EXOSC9: variants seen among roughly 807,000 people sequenced by gnomAD.
The protein encoded by EXOSC9 is exosome component 9.
A neutral mutation model predicts 56.5 loss-of-function variants in EXOSC9; 38 were observed. The observed-to-expected ratio is 0.67, with a 90% CI of 0.52 to 0.88. The LOEUF (loss-of-function observed/expected upper bound fraction) is 0.88, where lower values mean the gene tolerates loss of function less well. Ranked by LOEUF, EXOSC9 falls within the 40% of genes least tolerant of loss-of-function variation. The pLI, the probability that EXOSC9 is intolerant of heterozygous loss-of-function variation, is 0.00. For missense variants in EXOSC9, 559 were observed against 530.5 expected, an observed-to-expected ratio of 1.05 and a Z score of -0.53; for synonymous variants, 170 against 170.8, an observed-to-expected ratio of 0.99 and a Z score of 0.04.
At chr4:121,804,889 A>G in intron 5 of EXOSC9, 130 bp downstream of exon 5, 1 of 629,044 alleles carries the variant, frequency 1.6e-6, no homozygotes, top group Admixed American at 3.5e-5. Context: ...TTTGTTTGTA[A>G]GACTGAAACT....
Position 121,816,759 on chromosome 4 carries a change from G to A in EXOSC9, c.1236-13G>A. On this transcript the variant is annotated splice_polypyrimidine_tract_variant and intron_variant, in intron 11 of 11. Transcript: ENST00000243498. ...CATACTCTTAGTAAATTCTTACTTT[G>A]CTTTATTCACAGAACACAGACCACC... The A allele has an allele frequency of 2.1e-5, 33 of 1,568,974 alleles. No individual in the cohort carries two copies. Among genetic ancestry groups the A allele is most frequent in the Non-Finnish European group, 2.8e-5 (33 of 1,163,642 alleles).
At chr4:121,813,026 CTGGCACGTGGTT>C (rs1463727886) in intron 8 of EXOSC9, among the ~76,000 whole-genome samples, 196 bp from the exon 9 acceptor site, 1 of 152,166 alleles carries the variant, frequency 6.6e-6, no homozygotes, top group Non-Finnish European at 1.5e-5. Flanking sequence ...AGCACATGGT[CTGGCACGTGGTT>C]TAATAAATGA....
chr4:121,806,488 A>G (rs1371700298), intron 5 of EXOSC9, among the ~76,000 whole-genome samples: 1 of 152,172 alleles, frequency 6.6e-6, no homozygotes, highest in Non-Finnish European at 1.5e-5. Flanking sequence ...AAATTAGAAA[A>G]AAAAAAAAAA....
Position 121,814,061 on chromosome 4 carries a change from T to C in EXOSC9, c.1156+14T>C. 1 of 1,487,888 alleles carries C rather than the reference T, an allele frequency of 6.7e-7. No homozygotes were observed. Among genetic ancestry groups the C allele is most frequent in the Non-Finnish European group, 9.0e-7 (1 of 1,114,214 alleles). 92.2% of individuals were successfully genotyped at this position (1,487,888 alleles called of 1,614,324 possible). ...TTGGAAGCCAAGGTAGGTGACACTTTATGGCACACTTACTATATATTACAT... is the reference window on the plus strand; with the variant it reads ...TTGGAAGCCAAGGTAGGTGACACTTCATGGCACACTTACTATATATTACAT... On this transcript the variant is annotated intron_variant, in intron 10 of 11. Coordinates refer to ENST00000243498, the MANE Select transcript of EXOSC9 (RefSeq NM_005033.3).
At chr4:121,801,579 A>G (rs542697650) in intron 1 of EXOSC9, 89 bp downstream of exon 1, 18 of 1,262,316 alleles carry the variant, frequency 1.4e-5, no homozygotes, top group East Asian at 1.4e-4. Flanking sequence ...GGGCCCGGGG[A>G]GCTACTAGGG....
intron 11 of EXOSC9, 95 bp downstream of exon 11, chr4:121,816,542 T>TAAAC (rs1239858198): frequency 1.1e-6 from 1 of 895,998 alleles, no homozygotes; most frequent in Non-Finnish European, 1.7e-6. Context: ...CACATGACTA[T>TAAAC]AAACAAAAAG....
rs182903247 is a variant in EXOSC9 at position 121,810,249 on chromosome 4, A to G, written c.738+150A>G. On this transcript the variant is annotated intron_variant, in intron 7 of 11. Coordinates refer to ENST00000243498, the MANE Select transcript of EXOSC9 (RefSeq NM_005033.3). The stretch of plus-strand genomic sequence containing the variant: ...GGTTTCAGTACTGTCACTATTAAAT[A>G]CATTCTGTTGACTGGTGGCTATGAG... 822 of 706,012 alleles carry G rather than the reference A, an allele frequency of 1.2e-3. 2 individuals are homozygous for G. The highest frequency in any genetic ancestry group is 2.6e-3 in the Admixed American group (97 of 37,420). The allele number at this position is 706,012 out of a possible 1,614,324, so 43.7% of individuals were successfully genotyped here. A position where few individuals can be genotyped will look rare whatever the true frequency, so the allele number is the denominator to read the frequency against.
Position 121,811,667 on chromosome 4 carries a change from G to A in EXOSC9, c.823G>A (p.Val275Ile). 6.6e-7 allele frequency: 1 copy of A among 1,520,974 alleles called. No individual in the cohort carries two copies. Among genetic ancestry groups the A allele is most frequent in the South Asian group, 1.3e-5 (1 of 77,028 alleles). The allele number at this position is 1,520,974 out of a possible 1,614,324, so 94.2% of individuals were successfully genotyped here. A position where few individuals can be genotyped will look rare whatever the true frequency, so the allele number is the denominator to read the frequency against. ...ILKALENDQK[V>I]RKEGGKFGFA... The stretch of plus-strand genomic sequence containing the variant: ...GAAAGCTTTGGAGAATGACCAAAAA[G>A]TAAGGTAAGTAACTTTTCCAGAACT... The change falls in exon 8 of 12, where the codon GTA (valine) becomes ATA (isoleucine). Residue 275 changes from valine to isoleucine, a missense_variant. Coordinates refer to ENST00000243498, the MANE Select transcript of EXOSC9 (RefSeq NM_005033.3).
intron 5 of EXOSC9, among the ~76,000 whole-genome samples, chr4:121,806,442 C>T (rs999344823): frequency 6.6e-5 from 10 of 151,086 alleles, no homozygotes; most frequent in South Asian, 2.1e-4. Context: ...TGCCCCCAGC[C>T]GACCTTATAA....
intron 10 of EXOSC9, chr4:121,816,084 T>C (rs1261324675): frequency 8.9e-6 from 6 of 674,292 alleles, no homozygotes; most frequent in Non-Finnish European, 1.4e-5. Flanking sequence ...CAGCCTCGAG[T>C]AGCTGGGCCT....
chr4:121,811,502 A>C, intron 7 of EXOSC9, 81 bp from the exon 8 acceptor site: 3 of 739,572 alleles, frequency 4.1e-6, no homozygotes, highest in Non-Finnish European at 4.2e-6. Context: ...TAAAGGTAGA[A>C]AAATTTCATG....
chr4:121,815,145 T>A (rs1346776764), intron 10 of EXOSC9: 1 of 156,608 alleles, frequency 6.4e-6, no homozygotes, highest in Non-Finnish European at 1.4e-5. Context: ...TGGTTACTTC[T>A]ATTTGGTATT....
intron 5 of EXOSC9, among the ~76,000 whole-genome samples, chr4:121,807,158 C>T (rs991026754): frequency 1.3e-5 from 2 of 152,074 alleles, no homozygotes; most frequent in Non-Finnish European, 2.9e-5. Flanking sequence ...GGCGTGGTGG[C>T]ACATGCCTGT....
In EXOSC9 at chr4:121,801,541, A is replaced by C. The variant is rs57880593; in HGVS notation, c.66+51A>C. 2.9e-3 allele frequency: 4,474 copies of C among 1,568,876 alleles called. 133 individuals are homozygous for C. The African/African-American group carries it at 0.053, about 19-fold the overall frequency. ...CGCGCTGCGTGGGCGCTCGGGTCTC[A>C]AGGTGTGGACTGATACCTGGCCCGC... On this transcript the variant is annotated intron_variant, in intron 1 of 11. Transcript: ENST00000243498.
chr4:121,802,436 G>A (rs1393944499), intron 2 of EXOSC9, among the ~76,000 whole-genome samples: 1 of 152,174 alleles, frequency 6.6e-6, no homozygotes, highest in African/African-American at 2.4e-5. Context: ...AAAACAATCT[G>A]TGGAATAGTA....
At chr4:121,806,171 A>C (rs1415112249) in intron 5 of EXOSC9, among the ~76,000 whole-genome samples, 1 of 148,394 alleles carries the variant, frequency 6.7e-6, no homozygotes. Flanking sequence ...TTTTCTTTTG[A>C]GACAAAGTTT....
At chr4:121,807,774 G>T in intron 6 of EXOSC9, 152 bp downstream of exon 6, 1 of 613,766 alleles carries the variant, frequency 1.6e-6, no homozygotes, top group Admixed American at 2.9e-5. Context: ...GCATTAGTTG[G>T]CAAAGAACTT....
intron 8 of EXOSC9, 109 bp downstream of exon 8, chr4:121,811,780 C>A: frequency 2.2e-5 from 11 of 496,134 alleles, no homozygotes; most frequent in South Asian, 8.0e-5. Context: ...ATTTCACATA[C>A]AAAGTTAGAA....
chr4:121,807,091 G>A (rs755093384), intron 5 of EXOSC9, among the ~76,000 whole-genome samples: 2 of 152,118 alleles, frequency 1.3e-5, no homozygotes, highest in African/African-American at 2.4e-5. Flanking sequence ...TTGGGAGTTC[G>A]AGACCAGCCT....
Sources: gnomAD v4.1 joint callset for allele counts (sites outside exome capture counted in the v4.1 genomes callset) on GRCh38, gnomAD v4.1.1 for gene constraint, MANE v1.5 for transcripts, NCBI Gene and HGNC (gene_info 2026-07-23, HGNC 2026-07-21) for gene names.